Variants in SPIDR observed in about 807,000 individuals in gnomAD.
The protein encoded by SPIDR is DNA repair-scaffolding protein.
A neutral mutation model predicts 104.6 loss-of-function variants in SPIDR; 93 were observed. The observed-to-expected ratio is 0.89, with a 90% CI of 0.75 to 1.06. SPIDR has a LOEUF of 1.06. Ranked by LOEUF, SPIDR falls within the 50% of genes least tolerant of loss-of-function variation. The pLI is 0.00. For missense variants in SPIDR, 1,154 were observed against 1,111.2 expected (o/e 1.04, Z -0.55); for synonymous variants, 431 against 416.9 (o/e 1.03, Z -0.41).
chr8:47,396,631 A>C lies in SPIDR; in HGVS notation c.776+5A>C, dbSNP rs782104342. 6.3e-7 allele frequency: 1 copy of C among 1,599,208 alleles called. No homozygotes were observed. The highest frequency in any genetic ancestry group is 1.8e-5 in the Admixed American group (1 of 55,350). On this transcript the variant is annotated splice_donor_5th_base_variant and intron_variant, in intron 6 of 19. Transcript: ENST00000297423. ...AGCAAAGAAGAAGCTTTTAAGGTTAAATTATACCCTTTTAAATACTCTTTT... is the reference window on the plus strand; with the variant it reads ...AGCAAAGAAGAAGCTTTTAAGGTTACATTATACCCTTTTAAATACTCTTTT...
At chr8:47,601,080 G>A (rs2062217279) in intron 10 of SPIDR, among the ~76,000 whole-genome samples, 1 of 152,188 alleles carries the variant, frequency 6.6e-6, no homozygotes, top group South Asian at 2.1e-4. Context: ...GAATGCTTTG[G>A]AGTTGTACTT....
At chr8:47,634,922 TCA>T (rs574029907) in intron 10 of SPIDR, among the ~76,000 whole-genome samples, 2 of 152,354 alleles carry the variant, frequency 1.3e-5, no homozygotes, top group South Asian at 4.1e-4. Context: ...CCAGTGCATC[TCA>T]TTTATCTGGC....
chr8:47,621,761 G>A (rs1452634384), intron 10 of SPIDR, among the ~76,000 whole-genome samples: 1 of 152,200 alleles, frequency 6.6e-6, no homozygotes, highest in Non-Finnish European at 1.5e-5. Flanking sequence ...ATCACCTGAG[G>A]TCAGGAGTTC....
intron 8 of SPIDR, among the ~76,000 whole-genome samples, chr8:47,555,801 A>C (rs1324391288): frequency 6.6e-6 from 1 of 152,230 alleles, no homozygotes. Context: ...TTCTTACTCC[A>C]TCTGGTAGAA....
At chr8:47,592,886 GT>G (rs947881771) in intron 8 of SPIDR, among the ~76,000 whole-genome samples, 7 of 152,040 alleles carry the variant, frequency 4.6e-5, no homozygotes, top group African/African-American at 1.7e-4. Flanking sequence ...TCTGTTGGGG[GT>G]TTTTTGTTTG....
chr8:47,359,438 C>G (rs1390263290), intron 5 of SPIDR, among the ~76,000 whole-genome samples: 1 of 151,910 alleles, frequency 6.6e-6, no homozygotes. Context: ...TGCAAAGGAA[C>G]CTGGAACAGC....
At chr8:47,542,442 A>G (rs2088391009) in intron 8 of SPIDR, among the ~76,000 whole-genome samples, 1 of 152,148 alleles carries the variant, frequency 6.6e-6, no homozygotes, top group African/African-American at 2.4e-5. Flanking sequence ...AGCTGACGTT[A>G]AAGAAGACTT....
chr8:47,483,996 A>C (rs1554728947), intron 8 of SPIDR, among the ~76,000 whole-genome samples: 1 of 152,018 alleles, frequency 6.6e-6, no homozygotes, highest in African/African-American at 2.4e-5. Context: ...AAAAAAAAAA[A>C]TGTCGATGCA....
chr8:47,321,169 T>C (rs187528814), intron 5 of SPIDR, among the ~76,000 whole-genome samples: 1 of 152,348 alleles, frequency 6.6e-6, no homozygotes, highest in African/African-American at 2.4e-5. Context: ...TGTTTGCAGA[T>C]GATACGATTG....
At chr8:47,658,451 A>C (rs566750362) in intron 10 of SPIDR, among the ~76,000 whole-genome samples, 1 of 151,996 alleles carries the variant, frequency 6.6e-6, no homozygotes, top group African/African-American at 2.4e-5. Flanking sequence ...ATTCACCGGC[A>C]ATAAACAAAT....
chr8:47,712,808 C>T lies in SPIDR; in HGVS notation c.2124C>T (p.Val708=). Residue 708 remains valine, a synonymous_variant, in exon 15 of 20, where the codon GTC becomes GTT. Coordinates refer to ENST00000297423, the MANE Select transcript of SPIDR (RefSeq NM_001080394.4). The part of the protein sequence containing the change: ...VAPLCVLGSE[V]LEALAGAAPH... ...CCTTGTGTGTGCTGGGCTCTGAAGT[C>T]CTGGAGGCACTCGCTGGGGCTGCCC... is the stretch of plus-strand genomic sequence containing the variant. 2 of 1,614,100 alleles carry T rather than the reference C, an allele frequency of 1.2e-6. No homozygotes were observed.
At chr8:47,330,350 G>A (rs574183164) in intron 5 of SPIDR, among the ~76,000 whole-genome samples, 10 of 152,144 alleles carry the variant, frequency 6.6e-5, no homozygotes, top group Non-Finnish European at 1.5e-4. Context: ...TGATGAACCC[G>A]TGTATACACA....
intron 5 of SPIDR, among the ~76,000 whole-genome samples, chr8:47,341,439 A>G (rs1469039091): frequency 1.3e-5 from 2 of 151,946 alleles, no homozygotes; most frequent in South Asian, 2.1e-4. Context: ...ATAAACATGC[A>G]TGGTTTTTGT....
At chr8:47,434,109 A>G (rs2067848234) in intron 7 of SPIDR, among the ~76,000 whole-genome samples, 1 of 152,234 alleles carries the variant, frequency 6.6e-6, no homozygotes, top group Admixed American at 6.5e-5. Context: ...AGTAAAATGT[A>G]CACTGAATAT....
intron 5 of SPIDR, among the ~76,000 whole-genome samples, chr8:47,300,489 G>C (rs1406712942): frequency 6.6e-6 from 1 of 152,094 alleles, no homozygotes; most frequent in Non-Finnish European, 1.5e-5. Flanking sequence ...GCCTCTGCTA[G>C]CTTTTGAATG....
At chr8:47,365,389 A>T (rs184924514) in intron 5 of SPIDR, among the ~76,000 whole-genome samples, 18 of 152,320 alleles carry the variant, frequency 1.2e-4, no homozygotes, top group African/African-American at 4.3e-4. Flanking sequence ...GACACATGGC[A>T]GCAAGTTCCA....
At chr8:47,328,023 T>C (rs1414308434) in intron 5 of SPIDR, among the ~76,000 whole-genome samples, 1 of 151,728 alleles carries the variant, frequency 6.6e-6, no homozygotes, top group Non-Finnish European at 1.5e-5. Context: ...TTTTTTTTTT[T>C]CACTTTTTTG....
At chr8:47,308,606 C>T (rs1032209231) in intron 5 of SPIDR, among the ~76,000 whole-genome samples, 3 of 120,314 alleles carry the variant, frequency 2.5e-5, no homozygotes, top group African/African-American at 9.4e-5. Context: ...AAACTAAATC[C>T]TTTAAATCCC....
At chr8:47,421,653 G>A (rs1319242792) in intron 7 of SPIDR, among the ~76,000 whole-genome samples, 3 of 152,196 alleles carry the variant, frequency 2.0e-5, no homozygotes, top group Non-Finnish European at 4.4e-5. Flanking sequence ...TTCCTGGTGA[G>A]GAGTTGCGTT....
Sources: allele counts gnomAD v4.1 joint callset (sites outside exome capture counted in the v4.1 genomes callset), GRCh38; gene constraint gnomAD v4.1.1; transcripts MANE v1.5; gene names NCBI Gene and HGNC (gene_info 2026-07-23, HGNC 2026-07-21).